The following TMEM132D variants were observed in gnomAD, a reference collection of about 807,000 sequenced individuals.
TMEM132D encodes mature OL transmembrane protein.
TMEM132D carries 21 observed loss-of-function variants against 62.3 expected under a neutral mutation model. The observed-to-expected ratio is 0.34, with a 90% CI of 0.24 to 0.49. The LOEUF (loss-of-function observed/expected upper bound fraction) is 0.49, where lower values mean the gene tolerates loss of function less well. Ranked by LOEUF, TMEM132D falls within the 20% of genes least tolerant of loss-of-function variation. The pLI, the probability that TMEM132D is intolerant of heterozygous loss-of-function variation, is 0.99. For synonymous variants in TMEM132D, 621 were observed against 575.6 expected, an observed-to-expected ratio of 1.08 and a Z score of -1.13; for missense variants, 1,346 against 1,402.8, an observed-to-expected ratio of 0.96 and a Z score of 0.65.
At chr12:129,169,366 G>T (rs1384289784) in intron 5 of TMEM132D, among the ~76,000 whole-genome samples, 1 of 152,182 alleles carries the variant, frequency 6.6e-6, no homozygotes, top group Non-Finnish European at 1.5e-5. Context: ...ATGGTGTGAG[G>T]ATGTTGTGGC....
intron 1 of TMEM132D, among the ~76,000 whole-genome samples, chr12:129,863,092 A>G (rs1437552428): frequency 6.6e-6 from 1 of 152,186 alleles, no homozygotes; most frequent in Non-Finnish European, 1.5e-5. Context: ...GGAATTGGGA[A>G]CAGGCCGGTT....
intron 3 of TMEM132D, among the ~76,000 whole-genome samples, chr12:129,426,263 G>A (rs1034145415): frequency 6.6e-6 from 1 of 152,116 alleles, no homozygotes; most frequent in Non-Finnish European, 1.5e-5. Context: ...CAATATTTAG[G>A]AAGGGAAATT....
In TMEM132D at chr12:129,528,352, TATGA is replaced by T. The variant is rs200166591; in HGVS notation, c.1115+2703_1115+2706del. 4.7e-3 allele frequency among the ~76,000 whole-genome samples: 706 copies of T among 151,198 alleles called. 10 individuals carry two copies. The highest frequency in any genetic ancestry group is 0.016 in the African/African-American group (667 of 41,138). On this transcript the variant is annotated intron_variant, in intron 3 of 8. Coordinates refer to ENST00000422113, the MANE Select transcript of TMEM132D (RefSeq NM_133448.3). ...TCAAAGCGAGGATAAAAGTTGAATA[TATGA>T]ATGAATACATCATATTTTAAAAATC...
At chr12:129,470,043 A>T (rs1020361397) in intron 3 of TMEM132D, among the ~76,000 whole-genome samples, 1 of 152,186 alleles carries the variant, frequency 6.6e-6, no homozygotes, top group African/African-American at 2.4e-5. Flanking sequence ...ACAGTATGTG[A>T]ATCAACCTAG....
intron 3 of TMEM132D, among the ~76,000 whole-genome samples, chr12:129,391,542 G>C (rs1871289826): frequency 6.6e-6 from 1 of 152,230 alleles, no homozygotes; most frequent in African/African-American, 2.4e-5. Context: ...GACAAGCCCA[G>C]TGAGGTCTCA....
chr12:129,310,048 G>A (rs557493810), intron 4 of TMEM132D, among the ~76,000 whole-genome samples: 11 of 150,082 alleles, frequency 7.3e-5, no homozygotes, highest in Non-Finnish European at 1.0e-4. Context: ...ATCTAGATGA[G>A]GGCTGGCCGA....
At position 129,750,793 on chromosome 12, in the gene TMEM132D, C is replaced by T. The variant is rs527416039; in HGVS notation, c.80-50095G>A. On this transcript the variant is annotated intron_variant, in intron 1 of 8. Transcript: ENST00000422113. ...GCCATAGTAGGGTGACTAGCACTCA[C>T]AATAATGTATATTTTGAAGTAGCTA... Among the ~76,000 whole-genome samples, 57 of 151,722 alleles carry T rather than the reference C, an allele frequency of 3.8e-4. 1 individual carries two copies. The South Asian group carries it at 0.011, about 31-fold the overall frequency.
chr12:129,514,078 A>C (rs1026867495), intron 3 of TMEM132D, among the ~76,000 whole-genome samples: 3 of 150,424 alleles, frequency 2.0e-5, no homozygotes, highest in African/African-American at 7.3e-5. Flanking sequence ...TGACCTTGTG[A>C]TCCGCCCGCC....
intron 3 of TMEM132D, among the ~76,000 whole-genome samples, chr12:129,420,381 C>T (rs1291949447): frequency 1.4e-5 from 2 of 139,512 alleles, no homozygotes; most frequent in African/African-American, 2.8e-5. Flanking sequence ...ATCATCTTTC[C>T]TACAAAACCT....
intron 1 of TMEM132D, among the ~76,000 whole-genome samples, chr12:129,705,076 A>T (rs1413709586): frequency 6.6e-6 from 1 of 152,100 alleles, no homozygotes; most frequent in Non-Finnish European, 1.5e-5. Context: ...GAGCTTTTGA[A>T]GCTTTCCCTA....
chr12:129,554,347 G>A (rs1023490722), intron 2 of TMEM132D, among the ~76,000 whole-genome samples: 3 of 152,286 alleles, frequency 2.0e-5, no homozygotes, highest in Non-Finnish European at 4.4e-5. Flanking sequence ...GTGGTGCTGG[G>A]TTTCAATATG....
intron 5 of TMEM132D, among the ~76,000 whole-genome samples, chr12:129,161,689 TC>T (rs1165570029): frequency 6.6e-6 from 1 of 152,182 alleles, no homozygotes; most frequent in Non-Finnish European, 1.5e-5. Context: ...TGCCAGCCTC[TC>T]CCCTGGCAAG....
intron 5 of TMEM132D, among the ~76,000 whole-genome samples, chr12:129,198,580 T>C (rs1878608296): frequency 6.6e-6 from 1 of 152,244 alleles, no homozygotes; most frequent in South Asian, 2.1e-4. Flanking sequence ...ATACTGCATG[T>C]TCTCATTTGT....
chr12:129,608,732 A>C (rs1303115592), intron 2 of TMEM132D, among the ~76,000 whole-genome samples: 1 of 152,194 alleles, frequency 6.6e-6, no homozygotes, highest in African/African-American at 2.4e-5. Context: ...TCCGTCTGTC[A>C]TGCTTAGCAT....
intron 2 of TMEM132D, among the ~76,000 whole-genome samples, chr12:129,609,480 A>C (rs1878713958): frequency 6.6e-6 from 1 of 152,202 alleles, no homozygotes; most frequent in Non-Finnish European, 1.5e-5. Context: ...AAAAAGCGAC[A>C]GGAAAACTGA....
chr12:129,344,799 T>G (rs1170331970), intron 3 of TMEM132D, among the ~76,000 whole-genome samples: 1 of 152,094 alleles, frequency 6.6e-6, no homozygotes. Context: ...ACTTACTCTT[T>G]TCCTACGTGC....
chr12:129,121,646 C>T (rs953672315), intron 5 of TMEM132D, among the ~76,000 whole-genome samples: 3 of 152,102 alleles, frequency 2.0e-5, no homozygotes, highest in Admixed American at 2.0e-4. Flanking sequence ...GAAGCACATT[C>T]TCTCCAAGAC....
intron 4 of TMEM132D, among the ~76,000 whole-genome samples, chr12:129,239,902 G>A (rs550650307): frequency 1.3e-5 from 2 of 152,346 alleles, no homozygotes; most frequent in East Asian, 3.9e-4. Context: ...TACACTTGGT[G>A]TAGAACAATT....
intron 4 of TMEM132D, among the ~76,000 whole-genome samples, chr12:129,244,511 A>G (rs1177478533): frequency 6.6e-6 from 1 of 152,220 alleles, no homozygotes; most frequent in African/African-American, 2.4e-5. Context: ...GAAAGATAAA[A>G]GTTTGAAATT....
Sources: allele counts gnomAD v4.1 joint callset (sites outside exome capture counted in the v4.1 genomes callset), GRCh38; gene constraint gnomAD v4.1.1; transcripts MANE v1.5; gene names NCBI Gene and HGNC (gene_info 2026-07-23, HGNC 2026-07-21).